Variants in PTPRD observed in about 807,000 individuals in gnomAD.
PTPRD encodes the protein protein tyrosine phosphatase receptor type D.
A neutral mutation model predicts 214.5 loss-of-function variants in PTPRD; 34 were observed. That is an observed-to-expected ratio of 0.16 (90% CI 0.12 to 0.21). The LOEUF is 0.21. Among genes scored for constraint, PTPRD ranks in the 10% least tolerant of loss-of-function variants. PTPRD has a pLI of 1.00. For synonymous variants in PTPRD, 1,128 were observed against 845.7 expected, an observed-to-expected ratio of 1.33 and a Z score of -5.79; for missense variants, 2,545 against 2,398.7, an observed-to-expected ratio of 1.06 and a Z score of -1.27.
At chr9:8,423,456 T>G (rs1402838346) in intron 35 of PTPRD, among the ~76,000 whole-genome samples, 1 of 152,204 alleles carries the variant, frequency 6.6e-6, no homozygotes, top group Non-Finnish European at 1.5e-5. Flanking sequence ...AGCTTTTGTA[T>G]GAAATTAAGT....
intron 3 of PTPRD, among the ~76,000 whole-genome samples, chr9:10,120,340 T>C (rs886908947): frequency 2.0e-5 from 3 of 152,020 alleles, no homozygotes; most frequent in African/African-American, 7.2e-5. Context: ...AAGTATTATC[T>C]CTTTTAATCT....
chr9:8,328,347 C>T (rs767734163), intron 44 of PTPRD, among the ~76,000 whole-genome samples: 5 of 152,078 alleles, frequency 3.3e-5, no homozygotes, highest in African/African-American at 1.2e-4. Flanking sequence ...ATATTGGCCC[C>T]ACTGTCTTCT....
At chr9:8,320,089 GA>G in intron 44 of PTPRD, 123 bp from the exon 45 acceptor site, 1 of 1,194,094 alleles carries the variant, frequency 8.4e-7, no homozygotes, top group Non-Finnish European at 1.1e-6. Context: ...CCATATTCAG[GA>G]AAACATGGTA....
chr9:8,729,165 G>C (rs2098626908), intron 12 of PTPRD, among the ~76,000 whole-genome samples: 1 of 152,024 alleles, frequency 6.6e-6, no homozygotes, highest in Non-Finnish European at 1.5e-5. Flanking sequence ...ATGTATGTAA[G>C]AGGCAACCGT....
At chr9:9,850,378 T>G (rs2060321228) in intron 5 of PTPRD, among the ~76,000 whole-genome samples, 2 of 152,090 alleles carry the variant, frequency 1.3e-5, no homozygotes, top group South Asian at 4.1e-4. Context: ...ATTAGTAGTA[T>G]TGCTATTGTC....
intron 11 of PTPRD, among the ~76,000 whole-genome samples, chr9:8,960,425 A>C (rs567756464): frequency 6.6e-6 from 1 of 152,236 alleles, no homozygotes; most frequent in South Asian, 2.1e-4. Flanking sequence ...GACGTGTACT[A>C]GGACATTGTG....
At chr9:9,164,179 T>C (rs992529839) in intron 10 of PTPRD, among the ~76,000 whole-genome samples, 2 of 152,188 alleles carry the variant, frequency 1.3e-5, no homozygotes, top group East Asian at 3.9e-4. Context: ...AGGCTAGCAG[T>C]GCCATTTTCC....
At chr9:8,375,414 C>T (rs909058860) in intron 39 of PTPRD, among the ~76,000 whole-genome samples, 1 of 151,958 alleles carries the variant, frequency 6.6e-6, no homozygotes, top group Non-Finnish European at 1.5e-5. Context: ...CTATTAAATA[C>T]ATTTTTAAAA....
intron 9 of PTPRD, among the ~76,000 whole-genome samples, chr9:9,355,169 T>C (rs909548546): frequency 6.6e-5 from 10 of 151,890 alleles, no homozygotes; most frequent in African/African-American, 2.4e-4. Flanking sequence ...TAAAGTTATC[T>C]ATCATCTTCA....
chr9:9,084,569 C>T (rs916431088), intron 10 of PTPRD, among the ~76,000 whole-genome samples: 2 of 151,762 alleles, frequency 1.3e-5, no homozygotes, highest in African/African-American at 4.8e-5. Context: ...AAAAAGTTCC[C>T]ACTGACACAC....
chr9:9,784,026 G>A (rs2154492094), intron 5 of PTPRD, among the ~76,000 whole-genome samples: 1 of 152,088 alleles, frequency 6.6e-6, no homozygotes, highest in South Asian at 2.1e-4. Flanking sequence ...AACTGCAGAA[G>A]TCACAAAACA....
chr9:10,455,693 T>C (rs2098908751), intron 2 of PTPRD, among the ~76,000 whole-genome samples: 1 of 151,812 alleles, frequency 6.6e-6, no homozygotes, highest in African/African-American at 2.4e-5. Context: ...TGAGAACCAA[T>C]ACAATATGTT....
intron 3 of PTPRD, among the ~76,000 whole-genome samples, chr9:10,098,218 T>C (rs1156732288): frequency 6.6e-6 from 1 of 151,328 alleles, no homozygotes; most frequent in East Asian, 2.0e-4. Context: ...CTGGAAACCG[T>C]CATTCTCAGC....
At chr9:10,201,979 T>A (rs191133817) in intron 3 of PTPRD, among the ~76,000 whole-genome samples, 1 of 152,172 alleles carries the variant, frequency 6.6e-6, no homozygotes, top group East Asian at 1.9e-4. Context: ...TTGTTTTCAA[T>A]TATTTGGCAA....
intron 2 of PTPRD, among the ~76,000 whole-genome samples, chr9:10,349,301 A>T (rs2097143121): frequency 6.6e-6 from 1 of 151,752 alleles, no homozygotes; most frequent in South Asian, 2.1e-4. Flanking sequence ...AACCTCCTAA[A>T]ATGAGACCTG....
At chr9:8,333,814 C>T (rs1394039895) in intron 43 of PTPRD, among the ~76,000 whole-genome samples, 3 of 151,298 alleles carry the variant, frequency 2.0e-5, no homozygotes, top group African/African-American at 7.3e-5. Context: ...ATAGGCTCAA[C>T]ATAAAGGGAT....
chr9:9,671,377 C>A (rs1350119212), intron 7 of PTPRD, among the ~76,000 whole-genome samples: 1 of 152,014 alleles, frequency 6.6e-6, no homozygotes, highest in Non-Finnish European at 1.5e-5. Flanking sequence ...GGCTCATAGG[C>A]AGAAGGGATT....
At chr9:8,378,239 C>T (rs550449925) in intron 37 of PTPRD, among the ~76,000 whole-genome samples, 22 of 152,062 alleles carry the variant, frequency 1.4e-4, no homozygotes, top group African/African-American at 5.3e-4. Flanking sequence ...TGCCCTGACT[C>T]AAAGAGATAA....
chr9:10,231,365 G>T (rs1366851952), intron 3 of PTPRD, among the ~76,000 whole-genome samples: 1 of 151,900 alleles, frequency 6.6e-6, no homozygotes, highest in African/African-American at 2.4e-5. Flanking sequence ...TTTGCAGGAA[G>T]GGATAATATA....
Sources: allele counts gnomAD v4.1 joint callset (sites outside exome capture counted in the v4.1 genomes callset), GRCh38; gene constraint gnomAD v4.1.1; transcripts MANE v1.5; gene names NCBI Gene and HGNC (gene_info 2026-07-23, HGNC 2026-07-21).